The following DLG2 variants were observed in gnomAD, a reference collection of about 807,000 sequenced individuals.
DLG2 encodes the protein disks large homolog 2.
DLG2 carries 45 observed loss-of-function variants against 132.5 expected under a neutral mutation model. The observed-to-expected ratio is 0.34, with a 90% CI of 0.27 to 0.44. The LOEUF (loss-of-function observed/expected upper bound fraction) is 0.44, where lower values mean the gene tolerates loss of function less well. Ranked by LOEUF, DLG2 falls within the 20% of genes least tolerant of loss-of-function variation. The probability of loss-of-function intolerance (pLI) is 1.00; values close to 1 mark genes in which losing one functional copy is unlikely to be tolerated. For missense variants in DLG2, 1,045 were observed against 1,196.9 expected (o/e 0.87, Z 1.87); for synonymous variants, 424 against 419.6 (o/e 1.01, Z -0.13).
intron 6 of DLG2, among the ~76,000 whole-genome samples, chr11:84,738,056 C>T (rs532165520): frequency 2.7e-4 from 41 of 151,962 alleles, no homozygotes; most frequent in Non-Finnish European, 5.2e-4. Context: ...TCCTCTAGAG[C>T]GCAGCGTAAA....
intron 18 of DLG2, chr11:83,646,520 C>T (rs1362759624): frequency 6.6e-6 from 1 of 152,254 alleles, no homozygotes; most frequent in African/African-American, 2.4e-5. Context: ...TTTTGGTGGT[C>T]TCTCCTCTCA....
intron 8 of DLG2, among the ~76,000 whole-genome samples, chr11:84,170,348 A>G (rs1339346719): frequency 6.6e-6 from 1 of 152,212 alleles, no homozygotes; most frequent in Non-Finnish European, 1.5e-5. Context: ...CTTAGTACCT[A>G]TCATGTACTT....
At chr11:84,874,445 A>C (rs2085995426) in intron 6 of DLG2, among the ~76,000 whole-genome samples, 1 of 152,120 alleles carries the variant, frequency 6.6e-6, no homozygotes, top group Non-Finnish European at 1.5e-5. Flanking sequence ...AGAGAGAGGG[A>C]TTGGCCTGAG....
At chr11:85,191,156 ACGCGCG>A (rs139579513) in intron 4 of DLG2, among the ~76,000 whole-genome samples, 19 of 119,144 alleles carry the variant, frequency 1.6e-4, no homozygotes, top group South Asian at 5.9e-4. Context: ...GCGCGCGCGC[ACGCGCG>A]CACACACACA....
At chr11:84,167,376 GTTGAATGCATTAAATAT>G (rs1423501509) in intron 8 of DLG2, among the ~76,000 whole-genome samples, 1 of 152,108 alleles carries the variant, frequency 6.6e-6, no homozygotes, top group African/African-American at 2.4e-5. Flanking sequence ...TTTAATGAAT[GTTGAATGCATTAAATAT>G]TTGTTTTTCT....
chr11:84,736,726 T>G (rs1429882916), intron 6 of DLG2, among the ~76,000 whole-genome samples: 3 of 152,040 alleles, frequency 2.0e-5, no homozygotes, highest in African/African-American at 7.2e-5. Flanking sequence ...ACAAAGTTTG[T>G]ATATTGTCCT....
intron 8 of DLG2, among the ~76,000 whole-genome samples, chr11:84,227,087 AAATT>A (rs1032325918): frequency 3.0e-4 from 46 of 151,778 alleles, no homozygotes; most frequent in Middle Eastern, 3.2e-3. Context: ...TCCATCTTAA[AAATT>A]AATTAATTAA....
At chr11:83,562,705 C>T (rs2096632819) in intron 19 of DLG2, among the ~76,000 whole-genome samples, 1 of 151,980 alleles carries the variant, frequency 6.6e-6, no homozygotes, top group Admixed American at 6.6e-5. Flanking sequence ...TGAAAAAATA[C>T]ATAGCTAAGG....
At chr11:84,164,761 T>C (rs1409414671) in intron 8 of DLG2, among the ~76,000 whole-genome samples, 2 of 152,236 alleles carry the variant, frequency 1.3e-5, no homozygotes, top group Non-Finnish European at 2.9e-5. Flanking sequence ...ACAATGACAA[T>C]GGACTTTACT....
At chr11:84,993,448 C>G (rs2057333065) in intron 6 of DLG2, among the ~76,000 whole-genome samples, 1 of 152,200 alleles carries the variant, frequency 6.6e-6, no homozygotes, top group Non-Finnish European at 1.5e-5. Context: ...CTTCAGATTT[C>G]TTGGCTGAAT....
intron 8 of DLG2, among the ~76,000 whole-genome samples, chr11:84,190,410 C>A (rs996844437): frequency 6.6e-6 from 1 of 152,120 alleles, no homozygotes; most frequent in African/African-American, 2.4e-5. Flanking sequence ...GGATTTGGAA[C>A]CAGAAAGCAA....
chr11:85,161,527 A>C (rs1336395417), intron 4 of DLG2, among the ~76,000 whole-genome samples: 1 of 152,186 alleles, frequency 6.6e-6, no homozygotes, highest in African/African-American at 2.4e-5. Flanking sequence ...ACTGGAATAG[A>C]CAGTTACTCC....
At chr11:83,640,642 G>A (rs1014509748) in intron 18 of DLG2, among the ~76,000 whole-genome samples, 1 of 152,126 alleles carries the variant, frequency 6.6e-6, no homozygotes, top group Non-Finnish European at 1.5e-5. Context: ...TTCCTCAAGA[G>A]GCTCACAGGA....
chr11:84,392,948 T>C (rs1300234474), intron 7 of DLG2, among the ~76,000 whole-genome samples: 1 of 152,168 alleles, frequency 6.6e-6, no homozygotes, highest in Non-Finnish European at 1.5e-5. Flanking sequence ...AATTGCCTAT[T>C]AAATTTGCTT....
chr11:84,211,602 C>T (rs61899188), intron 8 of DLG2, among the ~76,000 whole-genome samples: 9 of 152,128 alleles, frequency 5.9e-5, no homozygotes, highest in African/African-American at 2.2e-4. Flanking sequence ...ATAATAAATG[C>T]ATGCCCACTT....
chr11:85,622,982 C>T (rs1257801280), intron 2 of DLG2, among the ~76,000 whole-genome samples: 1 of 151,312 alleles, frequency 6.6e-6, no homozygotes, highest in Non-Finnish European at 1.5e-5. Context: ...TGCACGAACC[C>T]CGGAGGCGGA....
intron 19 of DLG2, among the ~76,000 whole-genome samples, chr11:83,630,609 A>C (rs751272621): frequency 1.8e-4 from 27 of 152,168 alleles, no homozygotes; most frequent in South Asian, 2.1e-4. Flanking sequence ...AGAGTCCAGC[A>C]CTGTGCTGAC....
intron 10 of DLG2, among the ~76,000 whole-genome samples, chr11:84,088,144 T>C (rs903651145): frequency 6.6e-6 from 1 of 152,174 alleles, no homozygotes; most frequent in African/African-American, 2.4e-5. Context: ...AACTCCAAGT[T>C]ATCTATTTTT....
intron 11 of DLG2, among the ~76,000 whole-genome samples, chr11:84,048,396 G>C (rs1411049863): frequency 2.0e-5 from 3 of 151,516 alleles, no homozygotes; most frequent in Non-Finnish European, 4.4e-5. Flanking sequence ...AGCACTAAAA[G>C]GAAAATGTAG....
Sources: allele counts gnomAD v4.1 joint callset (sites outside exome capture counted in the v4.1 genomes callset), GRCh38; gene constraint gnomAD v4.1.1; transcripts MANE v1.5; gene names NCBI Gene and HGNC (gene_info 2026-07-23, HGNC 2026-07-21).